ARHGAP25: variants seen among roughly 807,000 people sequenced by gnomAD.
The protein encoded by ARHGAP25 is Rho GTPase activating protein 25.
Under a neutral mutation model 71.0 loss-of-function variants are expected in ARHGAP25, and 34 were observed. The observed-to-expected ratio is 0.48, with a 90% CI of 0.36 to 0.64. ARHGAP25 has a LOEUF of 0.64. Among genes scored for constraint, ARHGAP25 ranks in the 30% least tolerant of loss-of-function variants. ARHGAP25 has a pLI of 0.00. For missense variants in ARHGAP25, 706 were observed against 805.1 expected (o/e 0.88, Z 1.49); for synonymous variants, 282 against 296.5 (o/e 0.95, Z 0.50).
chr2:68,824,763 A>G (rs1358771818), intron 10 of ARHGAP25, among the ~76,000 whole-genome samples: 10 of 152,202 alleles, frequency 6.6e-5, no homozygotes, highest in Non-Finnish European at 1.2e-4. Context: ...AAGGAAAAAA[A>G]AAAGATGGAA....
At chr2:68,713,472 CT>C (rs1161497805) in intron 2 of ARHGAP25, among the ~76,000 whole-genome samples, 1 of 152,030 alleles carries the variant, frequency 6.6e-6, no homozygotes, top group Non-Finnish European at 1.5e-5. Context: ...GACTTCCTCT[CT>C]TCCTATTTGA....
intron 2 of ARHGAP25, among the ~76,000 whole-genome samples, chr2:68,715,289 T>TG (rs1481749181): frequency 6.6e-6 from 1 of 152,144 alleles, no homozygotes; most frequent in Admixed American, 6.5e-5. Context: ...CCTTTGGAGG[T>TG]GGCGCCCAGC....
intron 2 of ARHGAP25, among the ~76,000 whole-genome samples, chr2:68,727,084 T>C (rs1175930136): frequency 6.6e-6 from 1 of 152,226 alleles, no homozygotes; most frequent in Non-Finnish European, 1.5e-5. Flanking sequence ...ACGTACATGC[T>C]GAGGCATCTG....
chr2:68,750,305 C>T (rs1676082676), intron 1 of ARHGAP25, among the ~76,000 whole-genome samples: 1 of 149,708 alleles, frequency 6.7e-6, no homozygotes, highest in Admixed American at 6.7e-5. Context: ...GCCACTGCGC[C>T]CAGCCCCATG....
At chr2:68,824,379 C>T (rs1037706857) in intron 10 of ARHGAP25, among the ~76,000 whole-genome samples, 1 of 152,192 alleles carries the variant, frequency 6.6e-6, no homozygotes, top group Admixed American at 6.5e-5. Context: ...CAGTGCCTCA[C>T]TTGGAATTTC....
In ARHGAP25 at chr2:68,775,260, C is replaced by A; in HGVS notation, c.101C>A (p.Ala34Asp). ...GTGATGACTGGCGAGCAGATGGCTG[C>A]CTTCCATCCATCGTCCACCCCCAAC... ...RSVMTGEQMAAFHPSSTPNPL... is the reference protein window; with the variant it reads ...RSVMTGEQMADFHPSSTPNPL... Residue 34 changes from alanine (A) to aspartate (D), a missense_variant, in exon 2 of 11, where the codon GCC (alanine) becomes GAC (aspartate). Transcript: ENST00000409202. 6.2e-7 allele frequency: 1 copy of A among 1,614,272 alleles called. No individual in the cohort carries two copies.
chr2:68,790,844 CT>C (rs1193462791), intron 4 of ARHGAP25, among the ~76,000 whole-genome samples: 1 of 152,220 alleles, frequency 6.6e-6, no homozygotes, highest in East Asian at 1.9e-4. Context: ...AGCTTCCTTT[CT>C]CACTCAGAGT....
chr2:68,764,721 T>C (rs1411714042), intron 1 of ARHGAP25, among the ~76,000 whole-genome samples: 8 of 152,178 alleles, frequency 5.3e-5, no homozygotes, highest in African/African-American at 1.9e-4. Flanking sequence ...TCCATGCTGC[T>C]GCTGTTCCTC....
chr2:68,784,198 A>G (rs1365903979), intron 3 of ARHGAP25, among the ~76,000 whole-genome samples: 3 of 151,930 alleles, frequency 2.0e-5, no homozygotes, highest in Non-Finnish European at 4.4e-5. Flanking sequence ...TCTCACACAC[A>G]CACACACACA....
chr2:68,780,863 G>T (rs764776044), intron 2 of ARHGAP25, among the ~76,000 whole-genome samples: 1 of 151,970 alleles, frequency 6.6e-6, no homozygotes, highest in Admixed American at 6.6e-5. Flanking sequence ...CATCTCCATC[G>T]GTACTTTGTT....
At chr2:68,815,567 C>T (rs909259086) in intron 6 of ARHGAP25, among the ~76,000 whole-genome samples, 1 of 150,644 alleles carries the variant, frequency 6.6e-6, no homozygotes, top group African/African-American at 2.4e-5. Context: ...TCTTCTGCCT[C>T]AGCCTCCCGA....
chr2:68,800,255 C>T (rs898685237), intron 4 of ARHGAP25, among the ~76,000 whole-genome samples: 1 of 151,942 alleles, frequency 6.6e-6, no homozygotes, highest in Admixed American at 6.6e-5. Context: ...GGGAGGGGCT[C>T]TTGTCCTGAT....
intron 6 of ARHGAP25, among the ~76,000 whole-genome samples, chr2:68,815,443 C>CTTTTTTTTTTTTTTTTTTTTTTT (rs796100406): frequency 4.8e-5 from 3 of 62,332 alleles, no homozygotes; most frequent in African/African-American, 2.0e-4. Context: ...TGTGTACTCT[C>CTTTTTTTTTTTTTTTTTTTTTTT]TTTTTTTTTT....
chr2:68,760,269 A>G (rs1366747041), intron 1 of ARHGAP25, among the ~76,000 whole-genome samples: 2 of 152,066 alleles, frequency 1.3e-5, no homozygotes, highest in African/African-American at 4.8e-5. Flanking sequence ...TTACTCTGAG[A>G]TCAAGAACAA....
rs1268210043 is a variant in ARHGAP25, at chr2:68,775,368, T to A, written c.209T>A (p.Leu70Gln). The A allele has an allele frequency of 1.2e-6, 2 of 1,614,096 alleles. No homozygotes were observed. The highest frequency in any genetic ancestry group is 2.2e-5 in the South Asian group (2 of 91,092). ...VKNWQQRYFV[L>Q]RAQQLYYYKD... ...AACTGGCAGCAGAGGTACTTTGTGC[T>A]GAGGGCGCAGCAGCTCTACTACTAC... The change falls in exon 2 of 11, where the codon CTG becomes CAG. Residue 70 changes from leucine (L) to glutamine (Q), a missense_variant. Transcript: ENST00000409202.
upstream of ARHGAP25, among the ~76,000 whole-genome samples, chr2:68,730,984 G>A: frequency 6.6e-6 from 1 of 152,102 alleles, no homozygotes; most frequent in Non-Finnish European, 1.5e-5. Flanking sequence ...TTTGTATCTT[G>A]CACGGCAAGT....
chr2:68,788,336 T>C (rs10210630), intron 4 of ARHGAP25, among the ~76,000 whole-genome samples: 123,354 of 152,224 alleles, frequency 0.81, 50,101 homozygotes, highest in African/African-American at 0.85. Flanking sequence ...CACTGGCTCA[T>C]GCAGCACCAC....
intron 5 of ARHGAP25, among the ~76,000 whole-genome samples, chr2:68,809,285 G>A (rs1167329840): frequency 3.3e-5 from 5 of 152,122 alleles, no homozygotes; most frequent in South Asian, 2.1e-4. Context: ...GCCCCGCAAT[G>A]GGCAGAGCAT....
chr2:68,743,162 T>G (rs1383353874), intron 1 of ARHGAP25, among the ~76,000 whole-genome samples: 4 of 152,190 alleles, frequency 2.6e-5, no homozygotes, highest in African/African-American at 9.6e-5. Context: ...AGAGTGACTC[T>G]GGGTTGTTTG....
Sources: gnomAD v4.1 joint callset for allele counts (sites outside exome capture counted in the v4.1 genomes callset) on GRCh38, gnomAD v4.1.1 for gene constraint, MANE v1.5 for transcripts, NCBI Gene and HGNC (gene_info 2026-07-23, HGNC 2026-07-21) for gene names.